COP1: variants seen among roughly 807,000 people sequenced by gnomAD.
The protein encoded by COP1 is E3 ubiquitin-protein ligase COP1.
Under a neutral mutation model 101.3 loss-of-function variants are expected in COP1, and 24 were observed. The observed-to-expected ratio is 0.24, with a 90% CI of 0.17 to 0.33. The LOEUF is 0.33. COP1 is among the 10% of genes least tolerant of loss of function. COP1 has a pLI of 1.00. For missense variants in COP1, 663 were observed against 906.2 expected, an observed-to-expected ratio of 0.73 and a Z score of 3.45; for synonymous variants, 347 against 341.9, an observed-to-expected ratio of 1.01 and a Z score of -0.17.
chr1:176,064,929 C>G (rs1319280185), intron 11 of COP1, among the ~76,000 whole-genome samples: 1 of 152,114 alleles, frequency 6.6e-6, no homozygotes, highest in Non-Finnish European at 1.5e-5. Flanking sequence ...GGCCTCCTTC[C>G]CTTTTTCAAG....
chr1:176,016,132 G>C (rs970000203), intron 15 of COP1, among the ~76,000 whole-genome samples: 3 of 152,290 alleles, frequency 2.0e-5, no homozygotes, highest in East Asian at 3.9e-4. Flanking sequence ...CCAGTAAGTA[G>C]AATAGAAATG....
chr1:176,104,756 T>TCATACCTTTG (rs1241650528), intron 9 of COP1, among the ~76,000 whole-genome samples: 1 of 152,194 alleles, frequency 6.6e-6, no homozygotes, highest in Non-Finnish European at 1.5e-5. Context: ...TACTATCCAT[T>TCATACCTTTG]CATACCTTTG....
intron 8 of COP1, among the ~76,000 whole-genome samples, chr1:176,122,016 T>G (rs1687205779): frequency 6.6e-6 from 1 of 151,724 alleles, no homozygotes; most frequent in African/African-American, 2.4e-5. Flanking sequence ...GGCGGGCGCC[T>G]GTAGTCCCAG....
At chr1:175,966,258 G>A (rs927089502) in intron 18 of COP1, among the ~76,000 whole-genome samples, 1 of 150,180 alleles carries the variant, frequency 6.7e-6, no homozygotes, top group African/African-American at 2.5e-5. Context: ...GAGTGAATTA[G>A]CTGTCTGAAT....
chr1:176,029,337 A>C (rs1318774562), intron 14 of COP1, among the ~76,000 whole-genome samples: 1 of 152,228 alleles, frequency 6.6e-6, no homozygotes, highest in Non-Finnish European at 1.5e-5. Flanking sequence ...ATGATTAGGG[A>C]GAGCAAAGCT....
At chr1:176,108,071 C>A (rs1684629479) in intron 9 of COP1, among the ~76,000 whole-genome samples, 1 of 151,462 alleles carries the variant, frequency 6.6e-6, no homozygotes. Context: ...AGTGAATACA[C>A]TGCTGAAATT....
intron 8 of COP1, among the ~76,000 whole-genome samples, chr1:176,122,582 G>A (rs1487656396): frequency 6.6e-6 from 1 of 152,094 alleles, no homozygotes; most frequent in African/African-American, 2.4e-5. Flanking sequence ...AACAACAGAC[G>A]CTATCACAGT....
intron 17 of COP1, among the ~76,000 whole-genome samples, 190 bp from the exon 18 acceptor site, chr1:175,987,293 T>C (rs191207546): frequency 2.2e-3 from 331 of 152,302 alleles, no homozygotes; most frequent in Non-Finnish European, 3.2e-3. Context: ...TATACTTTAC[T>C]AATCTAAAGA....
At chr1:176,096,268 C>CT (rs1056288239) in intron 9 of COP1, among the ~76,000 whole-genome samples, 16 of 151,506 alleles carry the variant, frequency 1.1e-4, no homozygotes, top group Admixed American at 3.3e-4. Flanking sequence ...CATGCCTCTT[C>CT]TTTTTTTTTC....
chr1:176,198,597 T>G (rs1192646905), intron 1 of COP1, among the ~76,000 whole-genome samples: 1 of 152,076 alleles, frequency 6.6e-6, no homozygotes, highest in Non-Finnish European at 1.5e-5. Context: ...CAATTTGGAC[T>G]TAAAACTGAA....
chr1:176,006,476 GT>G (rs1241946795), intron 15 of COP1, among the ~76,000 whole-genome samples: 3 of 152,204 alleles, frequency 2.0e-5, no homozygotes, highest in Non-Finnish European at 4.4e-5. Context: ...TGATTTTGCA[GT>G]GGCTGGTATG....
At chr1:175,983,931 G>A (rs1656491916) in intron 18 of COP1, among the ~76,000 whole-genome samples, 1 of 152,204 alleles carries the variant, frequency 6.6e-6, no homozygotes, top group African/African-American at 2.4e-5. Context: ...AAGCAGCAAA[G>A]CATACAAGAG....
intron 4 of COP1, 139 bp from the exon 5 acceptor site, chr1:176,163,127 T>C: frequency 5.2e-6 from 4 of 762,346 alleles, no homozygotes; most frequent in Non-Finnish European, 7.7e-6. Flanking sequence ...AAACTACCCC[T>C]TCCTAGCTAG....
intron 13 of COP1, 125 bp downstream of exon 13, chr1:176,043,585 T>C (rs1238561171): frequency 1.2e-5 from 8 of 692,118 alleles, no homozygotes; most frequent in Non-Finnish European, 2.1e-5. Context: ...GCATAGGTGT[T>C]ACACAGGTAT....
chr1:176,047,061 T>C (rs1027579254), intron 11 of COP1, among the ~76,000 whole-genome samples: 1 of 152,194 alleles, frequency 6.6e-6, no homozygotes, highest in African/African-American at 2.4e-5. Flanking sequence ...TACAAGATCA[T>C]ACTCGCTTTT....
intron 19 of COP1, 37 bp from the exon 20 acceptor site, chr1:175,945,207 C>A (rs766379647): frequency 6.9e-7 from 1 of 1,451,096 alleles, no homozygotes; most frequent in Non-Finnish European, 9.5e-7. Flanking sequence ...TTAATAAAAT[C>A]ATTTAAGATA....
rs141284484 is a variant in COP1 at position 176,170,256 on chromosome 1, A to T, written c.565+5654T>A. 2.6e-3 allele frequency among the ~76,000 whole-genome samples: 397 copies of T among 152,300 alleles called. 3 individuals carry two copies. Among genetic ancestry groups the T allele is most frequent in the African/African-American group, 9.1e-3 (380 of 41,556 alleles). On this transcript the variant is annotated intron_variant, in intron 3 of 19. Coordinates refer to ENST00000367669, the MANE Select transcript of COP1 (RefSeq NM_022457.7). ...TTTTGACCTCCTCCCATGAAACATG[A>T]GTGTTCTTAATGGCATCTAGAATGG...
intron 1 of COP1, among the ~76,000 whole-genome samples, chr1:176,190,675 T>C (rs907194837): frequency 4.6e-5 from 7 of 151,986 alleles, no homozygotes; most frequent in African/African-American, 1.7e-4. Flanking sequence ...AGTGCTCTAT[T>C]TGTCATTCCC....
intron 15 of COP1, among the ~76,000 whole-genome samples, chr1:176,000,810 T>A (rs1661423839): frequency 6.6e-6 from 1 of 152,036 alleles, no homozygotes; most frequent in African/African-American, 2.4e-5. Flanking sequence ...TTCTAGTGTA[T>A]CATTTTAGTT....
Sources: allele counts gnomAD v4.1 joint callset (sites outside exome capture counted in the v4.1 genomes callset), GRCh38; gene constraint gnomAD v4.1.1; transcripts MANE v1.5; gene names NCBI Gene and HGNC (gene_info 2026-07-23, HGNC 2026-07-21).